COL27A1: variants seen among roughly 807,000 people sequenced by gnomAD.
COL27A1 encodes the protein collagen alpha-1(XXVII) chain.
Under a neutral mutation model 251.3 loss-of-function variants are expected in COL27A1, and 106 were observed. That is an observed-to-expected ratio of 0.42 (90% confidence interval 0.36 to 0.50). The LOEUF (loss-of-function observed/expected upper bound fraction) is 0.50, where lower values mean the gene tolerates loss of function less well. COL27A1 is among the 20% of genes least tolerant of loss of function. The probability of loss-of-function intolerance (pLI) is 0.00; values close to 1 mark genes in which losing one functional copy is unlikely to be tolerated. For synonymous variants in COL27A1, 1,000 were observed against 986.3 expected, an observed-to-expected ratio of 1.01 and a Z score of -0.26; for missense variants, 2,325 against 2,522.8, an observed-to-expected ratio of 0.92 and a Z score of 1.68.
intron 23 of COL27A1, among the ~76,000 whole-genome samples, chr9:114,244,308 G>T (rs1832964697): frequency 6.6e-6 from 1 of 152,064 alleles, no homozygotes; most frequent in Admixed American, 6.6e-5. Context: ...GACAATAGGA[G>T]ATTTTCATTT....
chr9:114,184,776 A>C (rs1828203026), intron 5 of COL27A1, among the ~76,000 whole-genome samples: 1 of 152,212 alleles, frequency 6.6e-6, no homozygotes, highest in Admixed American at 6.5e-5. Context: ...GCACGGGTCG[A>C]GTAAGACATT....
intron 5 of COL27A1, among the ~76,000 whole-genome samples, chr9:114,193,165 A>G (rs1051041692): frequency 3.2e-4 from 49 of 152,170 alleles, no homozygotes; most frequent in Non-Finnish European, 5.0e-4. Context: ...GGGAGGGGAG[A>G]GGGCTCAAGG....
chr9:114,198,699 G>A (rs1378167429), intron 7 of COL27A1, among the ~76,000 whole-genome samples: 1 of 152,182 alleles, frequency 6.6e-6, no homozygotes, highest in African/African-American at 2.4e-5. Context: ...AAAAGAGGCT[G>A]CCTGCCCGAG....
rs1157904152 is a variant in COL27A1, at chr9:114,307,839, G to C, written c.5217+61G>C. 2.9e-5 allele frequency: 36 copies of C among 1,238,084 alleles called. No homozygotes were observed. The South Asian group carries it at 4.5e-4, about 15-fold the overall frequency. 76.7% of individuals were successfully genotyped at this position (1,238,084 alleles called of 1,614,324 possible). On this transcript the variant is annotated intron_variant, in intron 59 of 60. Transcript: ENST00000356083. ...CTGCCTCTATCCCCAGCCTGCCCTG[G>C]GCCACAACCAACCCAGGTTCTGTTC...
At position 114,165,649 on chromosome 9, in the gene COL27A1, T is replaced by TATCCATCC. The variant is rs58004565; in HGVS notation, c.134-2012_134-2005dup. On this transcript the variant is annotated intron_variant, in intron 2 of 60. Transcript: ENST00000356083. The stretch of plus-strand genomic sequence containing the variant: ...TCTACTATCCATTTATCCATCCATT[T>TATCCATCC]ATCCATCCATCCATCCATCCATCCA... 7.0e-3 allele frequency among the ~76,000 whole-genome samples: 960 copies of TATCCATCC among 136,566 alleles called. 10 individuals are homozygous for TATCCATCC. The highest frequency in any genetic ancestry group is 0.017 in the South Asian group (69 of 3,944). 89.6% of individuals were successfully genotyped at this position (136,566 alleles called of 152,430 possible).
At chr9:114,174,041 G>A (rs984394300) in intron 3 of COL27A1, among the ~76,000 whole-genome samples, 9 of 151,536 alleles carry the variant, frequency 5.9e-5, no homozygotes, top group Non-Finnish European at 1.3e-4. Context: ...ATAGTGGTGC[G>A]ATCTCAGCTC....
chr9:114,158,179 C>T (rs898052444), intron 1 of COL27A1, among the ~76,000 whole-genome samples: 7 of 152,188 alleles, frequency 4.6e-5, no homozygotes, highest in Admixed American at 3.9e-4. Context: ...GCTCCCTTTT[C>T]AGCTTTTACC....
chr9:114,167,711 G>T lies in COL27A1; in HGVS notation c.156G>T (p.Leu52=). The T allele has an allele frequency of 5.0e-6, 8 of 1,612,304 alleles. No individual in the cohort carries two copies. The highest frequency in any genetic ancestry group is 6.8e-6 in the Non-Finnish European group (8 of 1,178,790). Residue 52 remains leucine, a synonymous_variant, in exon 3 of 61, where the codon CTG becomes CTT. Transcript: ENST00000356083. ...CAGATGTGGACATCCTCCAGCGGCT[G>T]GGCCTCAGCTGGACGAAGGCCGGGA... The part of the protein sequence containing the change: ...APEDVDILQR[L]GLSWTKAGSP...
At chr9:114,285,344 C>A (rs943222770) in intron 41 of COL27A1, among the ~76,000 whole-genome samples, 2 of 152,168 alleles carry the variant, frequency 1.3e-5, no homozygotes, top group East Asian at 3.9e-4. Flanking sequence ...CCCTGCCCCC[C>A]CATGCCAGTG....
intron 40 of COL27A1, 36 bp from the exon 41 acceptor site, chr9:114,284,688 C>A: frequency 6.2e-7 from 1 of 1,611,550 alleles, no homozygotes; most frequent in Non-Finnish European, 8.5e-7. Context: ...TTCCTGAGTC[C>A]TCATTCTCAC....
intron 50 of COL27A1, 81 bp from the exon 51 acceptor site, chr9:114,300,544 G>T: frequency 1.7e-6 from 2 of 1,184,200 alleles, no homozygotes; most frequent in South Asian, 3.2e-5. Context: ...AAGGTTGACA[G>T]ACCCCAGGGG....
intron 56 of COL27A1, among the ~76,000 whole-genome samples, chr9:114,302,997 C>T (rs74517144): frequency 0.019 from 2,892 of 152,272 alleles, 54 homozygotes; most frequent in African/African-American, 0.05. Context: ...CTCATGCCTG[C>T]TCTCACTGCC....
chr9:114,208,933 G>A (rs1830162761), intron 10 of COL27A1, among the ~76,000 whole-genome samples: 2 of 152,110 alleles, frequency 1.3e-5, no homozygotes. Flanking sequence ...CTGGGAGGGA[G>A]GAAATGAGAT....
chr9:114,190,386 C>T (rs911823940), intron 5 of COL27A1, among the ~76,000 whole-genome samples: 1 of 152,168 alleles, frequency 6.6e-6, no homozygotes, highest in African/African-American at 2.4e-5. Flanking sequence ...GTCCTCCCAC[C>T]CAGCCTCCCA....
At chr9:114,196,160 G>T (rs1370038840) in intron 7 of COL27A1, 148 bp downstream of exon 7, 2 of 730,786 alleles carry the variant, frequency 2.7e-6, no homozygotes, top group East Asian at 5.1e-5. Flanking sequence ...AGGTGAGAGA[G>T]CTTTCCAAGG....
rs1457365518 is a variant in COL27A1 at position 114,222,259 on chromosome 9, G to A, written c.2458G>A (p.Gly820Ser). The A allele has an allele frequency of 5.6e-6, 9 of 1,613,408 alleles. No individual in the cohort carries two copies. The highest frequency in any genetic ancestry group is 1.3e-5 in the African/African-American group (1 of 74,902). ...LGLPGPPGVP[G>S]LIGDLGVLGP... ...CCTGCCAGGCCCCCCTGGAGTCCCC[G>A]GCCTCATTGTAAGTACATTGATGCC... Residue 820 changes from glycine (G) to serine (S), a missense_variant, in exon 14 of 61, where the codon GGC (glycine) becomes AGC (serine). Transcript: ENST00000356083.
intron 12 of COL27A1, among the ~76,000 whole-genome samples, chr9:114,212,789 C>T (rs1483338558): frequency 3.9e-5 from 6 of 152,280 alleles, no homozygotes; most frequent in South Asian, 2.1e-4. Context: ...TAAATAGAGC[C>T]GCCCGGAATA....
At chr9:114,202,871 T>A (rs1829672111) in intron 7 of COL27A1, among the ~76,000 whole-genome samples, 1 of 152,198 alleles carries the variant, frequency 6.6e-6, no homozygotes, top group African/African-American at 2.4e-5. Context: ...TCTCTGTCTG[T>A]AACTTTACTT....
chr9:114,154,540 C>T (rs1444036896), upstream of COL27A1, among the ~76,000 whole-genome samples: 1 of 152,032 alleles, frequency 6.6e-6, no homozygotes, highest in Non-Finnish European at 1.5e-5. The surrounding 1 kb of genome is among the most constrained non-coding windows in gnomAD (Gnocchi z 5.8). Flanking sequence ...AGGGTGTGCG[C>T]GCGTGTGTCC....
Sources: gnomAD v4.1 joint callset for allele counts (sites outside exome capture counted in the v4.1 genomes callset) on GRCh38, gnomAD v4.1.1 for gene constraint, Gnocchi (gnomAD v3.1) non-coding constraint, MANE v1.5 for transcripts, NCBI Gene and HGNC (gene_info 2026-07-23, HGNC 2026-07-21) for gene names.